Variants in NAALADL2 observed in about 807,000 individuals in gnomAD.
The protein encoded by NAALADL2 is N-acetylated alpha-linked acidic dipeptidase like 2, also known as inactive N-acetylated-alpha-linked acidic dipeptidase-like protein 2.
In NAALADL2, 76 loss-of-function variants were observed where a neutral mutation model predicts 87.2. That is an observed-to-expected ratio of 0.87 (90% CI 0.72 to 1.05). The LOEUF is 1.05. Among genes scored for constraint, NAALADL2 ranks in the 50% least tolerant of loss-of-function variants. The pLI, the probability that NAALADL2 is intolerant of heterozygous loss-of-function variation, is 0.00. For synonymous variants in NAALADL2, 354 were observed against 331.0 expected (o/e 1.07, Z -0.75); for missense variants, 1,089 against 945.8 (o/e 1.15, Z -1.99).
At chr3:175,783,333 C>G (rs1015450777) in intron 13 of NAALADL2, among the ~76,000 whole-genome samples, 3 of 151,758 alleles carry the variant, frequency 2.0e-5, no homozygotes, top group African/African-American at 7.3e-5. Context: ...TCTTCCTACC[C>G]ATGAGCATGG....
chr3:174,838,608 C>T (rs1036332783), intron 3 of NAALADL2, among the ~76,000 whole-genome samples: 8 of 152,178 alleles, frequency 5.3e-5, no homozygotes, highest in South Asian at 2.1e-4. Context: ...AAGACTACTC[C>T]GGAAAGCTCC....
chr3:175,542,889 A>C (rs189614278), intron 9 of NAALADL2, among the ~76,000 whole-genome samples: 220 of 152,342 alleles, frequency 1.4e-3, no homozygotes, highest in African/African-American at 4.9e-3. Flanking sequence ...TGGAAAATGA[A>C]TAAACAGGAG....
chr3:175,079,454 T>G (rs1242956463), intron 1 of NAALADL2: 1 of 152,194 alleles, frequency 6.6e-6, no homozygotes, highest in Non-Finnish European at 1.5e-5. Context: ...TCTTTTTTGT[T>G]GTTGTTGCTT....
intron 5 of NAALADL2, among the ~76,000 whole-genome samples, chr3:175,425,314 A>G (rs1010225075): frequency 6.6e-6 from 1 of 152,134 alleles, no homozygotes; most frequent in African/African-American, 2.4e-5. Flanking sequence ...TATGCTCAAG[A>G]TGCTCTATTT....
intron 13 of NAALADL2, among the ~76,000 whole-genome samples, chr3:175,783,562 G>A (rs1315731052): frequency 2.7e-5 from 4 of 150,438 alleles, no homozygotes; most frequent in Non-Finnish European, 4.4e-5. Context: ...TTTATCCTGA[G>A]ACTTTGCTGA....
At chr3:175,348,716 G>C (rs754987407) in intron 5 of NAALADL2, among the ~76,000 whole-genome samples, 1 of 152,096 alleles carries the variant, frequency 6.6e-6, no homozygotes, top group Non-Finnish European at 1.5e-5. Context: ...CTAGTGATTG[G>C]ATTTAGGGCC....
chr3:175,658,290 G>A (rs548100273), intron 11 of NAALADL2, among the ~76,000 whole-genome samples: 143 of 152,188 alleles, frequency 9.4e-4, no homozygotes, highest in African/African-American at 3.3e-3. Context: ...TGACAGGGCC[G>A]ACAATATAGT....
chr3:174,579,994 T>C (rs1391089910), intron 2 of NAALADL2, among the ~76,000 whole-genome samples: 1 of 151,640 alleles, frequency 6.6e-6, no homozygotes, highest in East Asian at 1.9e-4. Flanking sequence ...GAAATTGCTA[T>C]TTTTTTAAGT....
At chr3:175,270,544 G>A (rs1393925673) in intron 4 of NAALADL2, among the ~76,000 whole-genome samples, 1 of 152,130 alleles carries the variant, frequency 6.6e-6, no homozygotes, top group Non-Finnish European at 1.5e-5. Flanking sequence ...GAAACCACAG[G>A]GCAATTGTAT....
intron 4 of NAALADL2, among the ~76,000 whole-genome samples, chr3:175,291,313 G>A (rs1336410098): frequency 3.3e-5 from 5 of 151,880 alleles, no homozygotes; most frequent in South Asian, 2.1e-4. Context: ...CAGTTCTTTC[G>A]ATCTAAATTA....
intron 2 of NAALADL2, among the ~76,000 whole-genome samples, chr3:175,133,069 CCCACA>C (rs1728428902): frequency 2.0e-5 from 3 of 150,032 alleles, no homozygotes; most frequent in Non-Finnish European, 3.0e-5. Flanking sequence ...AGAGGCGCTC[CCCACA>C]TCCCAGACGG....
chr3:175,126,317 T>C (rs1438031087), intron 2 of NAALADL2, among the ~76,000 whole-genome samples: 1 of 152,106 alleles, frequency 6.6e-6, no homozygotes, highest in African/African-American at 2.4e-5. Context: ...TTTAATTTGA[T>C]AGAGGTATAA....
chr3:175,431,806 A>G (rs1055853205), intron 5 of NAALADL2, among the ~76,000 whole-genome samples: 3 of 152,010 alleles, frequency 2.0e-5, no homozygotes, highest in Non-Finnish European at 4.4e-5. Context: ...CTTTCCCTTC[A>G]GGCAAGTCTT....
At chr3:175,283,574 A>C (rs62285120) in intron 4 of NAALADL2, among the ~76,000 whole-genome samples, 27,032 of 152,066 alleles carry the variant, frequency 0.18, 3,104 homozygotes, top group Middle Eastern at 0.26. Context: ...CATTCTGTAC[A>C]CATTAACATC....
At chr3:174,555,473 T>G (rs1712669574) in intron 2 of NAALADL2, among the ~76,000 whole-genome samples, 1 of 152,110 alleles carries the variant, frequency 6.6e-6, no homozygotes, top group African/African-American at 2.4e-5. Context: ...CTAATTTTTG[T>G]ATTTTTAGTA....
intron 11 of NAALADL2, among the ~76,000 whole-genome samples, chr3:175,649,500 A>G (rs958024347): frequency 1.3e-5 from 2 of 152,014 alleles, no homozygotes; most frequent in African/African-American, 4.8e-5. Context: ...GGCAATATAA[A>G]TTAGTTTTCT....
chr3:175,614,914 G>T (rs1229369486), intron 10 of NAALADL2, among the ~76,000 whole-genome samples: 1 of 152,066 alleles, frequency 6.6e-6, no homozygotes, highest in South Asian at 2.1e-4. Flanking sequence ...CAAATGAAAT[G>T]AATCATAAAA....
At chr3:174,669,979 G>A (rs931572041) in intron 2 of NAALADL2, among the ~76,000 whole-genome samples, 1 of 151,854 alleles carries the variant, frequency 6.6e-6, no homozygotes, top group African/African-American at 2.4e-5. Context: ...TTATTTCTAA[G>A]TATTTTATTC....
intron 2 of NAALADL2, among the ~76,000 whole-genome samples, chr3:174,584,632 C>T (rs896990695): frequency 1.3e-5 from 2 of 152,040 alleles, no homozygotes; most frequent in African/African-American, 4.8e-5. Flanking sequence ...GTACAAATCT[C>T]CATAATGCAT....
Sources: allele counts gnomAD v4.1 joint callset (sites outside exome capture counted in the v4.1 genomes callset), GRCh38; gene constraint gnomAD v4.1.1; transcripts MANE v1.5; gene names NCBI Gene and HGNC (gene_info 2026-07-23, HGNC 2026-07-21).